ANKRD13C: variants seen among roughly 807,000 people sequenced by gnomAD.
ANKRD13C encodes ankyrin repeat domain-containing protein 13C.
A neutral mutation model predicts 65.5 loss-of-function variants in ANKRD13C; 16 were observed. The ratio of observed to expected loss-of-function variants is 0.24; its 90% CI spans 0.17 to 0.37. The LOEUF is 0.37. Ranked by LOEUF, ANKRD13C falls within the 10% of genes least tolerant of loss-of-function variation. The pLI is 1.00. For synonymous variants in ANKRD13C, 235 were observed against 238.7 expected, an observed-to-expected ratio of 0.98 and a Z score of 0.14; for missense variants, 503 against 655.9, an observed-to-expected ratio of 0.77 and a Z score of 2.55.
chr1:70,325,865 C>T (rs1240697834), intron 2 of ANKRD13C, among the ~76,000 whole-genome samples: 7 of 150,338 alleles, frequency 4.7e-5, no homozygotes, highest in Admixed American at 3.3e-4. Flanking sequence ...GATGACACAG[C>T]GAGATTCCAT....
At position 70,259,334 on chromosome 1, in the gene ANKRD13C, C is replaced by T. The variant is rs1472004651; in HGVS notation, c.*3383G>A. Reference sequence around the variant, plus strand: ...ATGAAAACCAAGAATGATTAACAAGCACCTTTCTTAGAAGTTCTTAAGATT... The same window carrying T: ...ATGAAAACCAAGAATGATTAACAAGTACCTTTCTTAGAAGTTCTTAAGATT... On this transcript the variant is annotated 3_prime_UTR_variant, in exon 13 of 13. Coordinates refer to ENST00000370944, the MANE Select transcript of ANKRD13C (RefSeq NM_030816.5). Among the ~76,000 whole-genome samples the T allele has an allele frequency of 6.6e-6, 1 of 152,154 alleles. No homozygotes were observed. Among genetic ancestry groups the T allele is most frequent in the Non-Finnish European group, 1.5e-5 (1 of 68,016 alleles).
At chr1:70,323,106 CT>C (rs1441734762) in intron 3 of ANKRD13C, among the ~76,000 whole-genome samples, 6 of 152,142 alleles carry the variant, frequency 3.9e-5, no homozygotes, top group Non-Finnish European at 8.8e-5. Context: ...GAGGAAGTTT[CT>C]TCAGACCAGT....
In ANKRD13C at chr1:70,260,901, CAT is replaced by C. The variant is rs1329974381; in HGVS notation, c.*1814_*1815del. 6 of 152,156 alleles carry C rather than the reference CAT, an allele frequency of 3.9e-5. No homozygotes were observed. Among genetic ancestry groups the C allele is most frequent in the African/African-American group, 1.2e-4 (5 of 41,518 alleles). 9.4% of individuals were successfully genotyped at this position (152,156 alleles called of 1,614,324 possible). On this transcript the variant is annotated 3_prime_UTR_variant, in exon 13 of 13. Coordinates refer to ENST00000370944, the MANE Select transcript of ANKRD13C (RefSeq NM_030816.5). The stretch of plus-strand genomic sequence containing the variant: ...CCTAAGGTGTCTGTACTTATGAAAA[CAT>C]ATATAGCATATTCCTGAAAGTATAC...
chr1:70,314,241 T>C (rs1052534947), intron 4 of ANKRD13C, among the ~76,000 whole-genome samples: 1 of 151,680 alleles, frequency 6.6e-6, no homozygotes, highest in Non-Finnish European at 1.5e-5. Flanking sequence ...TTTTTTGAGA[T>C]GCAGTCTCAC....
intron 1 of ANKRD13C, among the ~76,000 whole-genome samples, chr1:70,342,128 A>G (rs1407631964): frequency 6.6e-6 from 1 of 151,948 alleles, no homozygotes; most frequent in Non-Finnish European, 1.5e-5. Context: ...GCAGAAAATG[A>G]TAACTCCATT....
Position 70,323,657 on chromosome 1 carries a change from A to T in ANKRD13C, c.577+1196T>A, listed in dbSNP as rs187739296. On this transcript the variant is annotated intron_variant, in intron 3 of 12. Transcript: ENST00000370944. ...GCGAGACTCCCTCTCAAAAAAAAAA[A>T]TTTTTTTTGTTTATAAAGTTCAGGA... 4.9e-3 allele frequency among the ~76,000 whole-genome samples: 736 copies of T among 151,290 alleles called. 3 individuals are homozygous for T. The highest frequency in any genetic ancestry group is 0.017 in the African/African-American group (682 of 41,222).
At chr1:70,334,990 T>C (rs1418367686) in intron 2 of ANKRD13C, among the ~76,000 whole-genome samples, 20 of 152,148 alleles carry the variant, frequency 1.3e-4, no homozygotes, top group Admixed American at 1.2e-3. Context: ...ATGTTTACAC[T>C]GACAGATACA....
intron 9 of ANKRD13C, among the ~76,000 whole-genome samples, chr1:70,283,636 G>C (rs1272894050): frequency 6.6e-6 from 1 of 151,968 alleles, no homozygotes; most frequent in East Asian, 1.9e-4. Context: ...CCAACATGAT[G>C]AAACCCCGTC....
intron 1 of ANKRD13C, among the ~76,000 whole-genome samples, chr1:70,346,443 A>C (rs1255997046): frequency 6.6e-6 from 1 of 152,220 alleles, no homozygotes; most frequent in Admixed American, 6.5e-5. Context: ...CACCAATGAA[A>C]ATGTCTGCAG....
At chr1:70,353,141 GTC>G (rs1226716545) in intron 1 of ANKRD13C, among the ~76,000 whole-genome samples, 1 of 152,164 alleles carries the variant, frequency 6.6e-6, no homozygotes, top group Admixed American at 6.5e-5. Context: ...ATGTTAAAAT[GTC>G]AGTGTTCACA....
chr1:70,341,359 G>T (rs74549332), intron 1 of ANKRD13C, among the ~76,000 whole-genome samples: 315 of 132,664 alleles, frequency 2.4e-3, no homozygotes, highest in African/African-American at 8.5e-3. Context: ...CCATCTTTTT[G>T]TGTGTTTTTT....
intron 6 of ANKRD13C, among the ~76,000 whole-genome samples, chr1:70,302,268 G>T (rs1375482662): frequency 7.0e-6 from 1 of 142,880 alleles, no homozygotes; most frequent in East Asian, 2.3e-4. Context: ...TATGTATCAA[G>T]AAGCCCTAAA....
chr1:70,262,905 A>G, intron 12 of ANKRD13C, 58 bp from the exon 13 acceptor site: 1 of 1,420,848 alleles, frequency 7.0e-7, no homozygotes, highest in East Asian at 2.7e-5. Flanking sequence ...TTCATAGACT[A>G]CAAAGTACTA....
chr1:70,291,016 A>G (rs554844973), intron 9 of ANKRD13C, among the ~76,000 whole-genome samples: 1 of 152,222 alleles, frequency 6.6e-6, no homozygotes, highest in South Asian at 2.1e-4. Flanking sequence ...AAATGGCAGT[A>G]AAACATTAAC....
chr1:70,315,708 T>C, intron 3 of ANKRD13C, 142 bp from the exon 4 acceptor site: 1 of 551,128 alleles, frequency 1.8e-6, no homozygotes, highest in Non-Finnish European at 3.0e-6. Flanking sequence ...TGTGTGTATC[T>C]ACATCTACAA....
intron 6 of ANKRD13C, among the ~76,000 whole-genome samples, chr1:70,303,356 T>C (rs996857070): frequency 1.3e-5 from 2 of 152,120 alleles, no homozygotes; most frequent in African/African-American, 4.8e-5. Context: ...TGAAGAACAA[T>C]AAGTTCTTTA....
chr1:70,275,037 A>T (rs1248355014), intron 10 of ANKRD13C, among the ~76,000 whole-genome samples: 2 of 152,258 alleles, frequency 1.3e-5, no homozygotes, highest in African/African-American at 4.8e-5. Flanking sequence ...AGAAATTATT[A>T]GATCTAAACT....
chr1:70,294,883 T>C (rs912786363), intron 8 of ANKRD13C, among the ~76,000 whole-genome samples: 16 of 152,128 alleles, frequency 1.1e-4, no homozygotes, highest in African/African-American at 3.9e-4. Context: ...ATATCCACTC[T>C]TTACTAAATT....
At chr1:70,265,824 C>CAAAAAAAAAAAAAAAA (rs775757290) in intron 12 of ANKRD13C, among the ~76,000 whole-genome samples, 24 of 35,406 alleles carry the variant, frequency 6.8e-4, no homozygotes, top group Non-Finnish European at 1.2e-3. Flanking sequence ...GACCTTGCCT[C>CAAAAAAAAAAAAAAAA]AAAAAAAAAA....
Sources: allele counts gnomAD v4.1 joint callset (sites outside exome capture counted in the v4.1 genomes callset), GRCh38; gene constraint gnomAD v4.1.1; transcripts MANE v1.5; gene names NCBI Gene and HGNC (gene_info 2026-07-23, HGNC 2026-07-21).